TSBP1: variants seen among roughly 807,000 people sequenced by gnomAD.
TSBP1 encodes testis-expressed basic protein 1.
A neutral mutation model predicts 68.8 loss-of-function variants in TSBP1; 56 were observed. That is an observed-to-expected ratio of 0.81 (90% CI 0.66 to 1.02). TSBP1 has a LOEUF of 1.02. Ranked by LOEUF, TSBP1 falls within the 50% of genes least tolerant of loss-of-function variation. The probability of loss-of-function intolerance (pLI) is 0.00; values close to 1 mark genes in which losing one functional copy is unlikely to be tolerated. For synonymous variants in TSBP1, 171 were observed against 208.7 expected (o/e 0.82, Z 1.56); for missense variants, 502 against 641.2 (o/e 0.78, Z 2.34).
At position 32,365,194 on chromosome 6, in the gene TSBP1, G is replaced by C. The variant is rs776159937; in HGVS notation, c.217+973C>G. On this transcript the variant is annotated intron_variant, in intron 6 of 22. Coordinates refer to ENST00000612031, the Ensembl canonical transcript of TSBP1. The surrounding 1 kb of genome is among the most constrained non-coding windows in gnomAD (Gnocchi z 4.3). ...GGCATGAACTACCACACCCAGGGTAGATGGGATTTCTAAGATTGTGCTTTC... is the reference window on the plus strand; with the variant it reads ...GGCATGAACTACCACACCCAGGGTACATGGGATTTCTAAGATTGTGCTTTC... 2.5e-6 allele frequency: 1 copy of C among 398,584 alleles called. No homozygotes were observed. The highest frequency in any genetic ancestry group is 5.0e-6 in the Non-Finnish European group (1 of 200,482). 24.7% of individuals were successfully genotyped at this position (398,584 alleles called of 1,614,324 possible). A position where few individuals can be genotyped will look rare whatever the true frequency, so the allele number is the denominator to read the frequency against.
rs1768284306 is a variant in TSBP1, at chr6:32,326,894, C to T, written c.515-3280G>A. On this transcript the variant is annotated intron_variant, in intron 16 of 22. Coordinates refer to ENST00000612031, the Ensembl canonical transcript of TSBP1. ...TGCAGGAAAGGGAGATGATTGATCT[C>T]TTCCCTTTTTGCAGTGAGTGGTTAC... Among the ~76,000 whole-genome samples, 3 of 152,330 alleles carry T rather than the reference C, an allele frequency of 2.0e-5. No homozygotes were observed. In the South Asian group the frequency reaches 6.2e-4, roughly 32 times the overall value.
Position 32,304,024 on chromosome 6 carries a change from T to C in TSBP1, c.581-1395A>G, listed in dbSNP as rs1765548022. Among the ~76,000 whole-genome samples, 1 of 152,162 alleles carries C rather than the reference T, an allele frequency of 6.6e-6. No individual in the cohort carries two copies. Among genetic ancestry groups the C allele is most frequent in the Non-Finnish European group, 1.5e-5 (1 of 68,018 alleles). On this transcript the variant is annotated intron_variant, in intron 19 of 22. Coordinates refer to ENST00000612031, the Ensembl canonical transcript of TSBP1. This position sits in a 1 kb window ranked among gnomAD's most constrained non-coding sequence, Gnocchi z 4.8. ...CCCAGCATATTTTCCCAGCATTATTTCCTCTGGCTTCTCTTTTGCAACTTA... is the reference window on the plus strand; with the variant it reads ...CCCAGCATATTTTCCCAGCATTATTCCCTCTGGCTTCTCTTTTGCAACTTA...
chr6:32,310,761 A>ATATATATTTTTT, intron 19 of TSBP1, among the ~76,000 whole-genome samples: 1 of 144,806 alleles, frequency 6.9e-6, no homozygotes, highest in Non-Finnish European at 1.5e-5. Flanking sequence ...ATATATATAT[A>ATATATATTTTTT]TTTTTAATCT....
intron 2 of TSBP1, 150 bp downstream of exon 2, chr6:32,369,747 G>T (rs1419750803): frequency 2.0e-5 from 15 of 756,112 alleles, no homozygotes; most frequent in Non-Finnish European, 3.4e-5. Context: ...ATAGGTCAGA[G>T]ATTCTTTGAC....
intron 9 of TSBP1, among the ~76,000 whole-genome samples, chr6:32,344,859 T>G (rs571707977): frequency 4.9e-4 from 52 of 106,582 alleles, no homozygotes; most frequent in East Asian, 1.5e-3. Context: ...AGGTTTTTTT[T>G]TTGGGGCTGG....
intron 16 of TSBP1, chr6:32,324,553 A>T: frequency 6.9e-7 from 1 of 1,454,554 alleles, no homozygotes; most frequent in Non-Finnish European, 9.4e-7. Context: ...AGGCCAAGAT[A>T]TATCTCAAGC....
At chr6:32,327,538 G>A (rs372211004) in intron 16 of TSBP1, among the ~76,000 whole-genome samples, 1 of 152,302 alleles carries the variant, frequency 6.6e-6, no homozygotes, top group African/African-American at 2.4e-5. Flanking sequence ...AAGTGGTAAA[G>A]TGAGGCTTTG....
intron 6 of TSBP1, 68 bp from the exon 7 acceptor site, chr6:32,355,737 A>G (rs753682751): frequency 6.5e-7 from 1 of 1,538,528 alleles, no homozygotes; most frequent in Non-Finnish European, 8.7e-7. Flanking sequence ...TGGTATCACT[A>G]CAGAGGATTA....
intron 2 of TSBP1, among the ~76,000 whole-genome samples, 157 bp from the exon 3 acceptor site, chr6:32,368,971 A>G (rs1774081389): frequency 6.6e-6 from 1 of 152,170 alleles, no homozygotes; most frequent in African/African-American, 2.4e-5. Context: ...CACATCTCCC[A>G]TCAGCCCTGT....
intron 19 of TSBP1, among the ~76,000 whole-genome samples, chr6:32,308,348 C>A (rs1378897366): frequency 6.6e-6 from 1 of 151,614 alleles, no homozygotes; most frequent in Non-Finnish European, 1.5e-5. Flanking sequence ...CCTGTAATCC[C>A]AGCACTTTGG....
chr6:32,324,822 A>C, intron 16 of TSBP1: 1 of 1,164,442 alleles, frequency 8.6e-7, no homozygotes, highest in Non-Finnish European at 1.2e-6. Flanking sequence ...ATTTCCAGAA[A>C]ACTAATTATC....
At chr6:32,303,126 G>A (rs115433394) in intron 19 of TSBP1, among the ~76,000 whole-genome samples, 5,999 of 152,224 alleles carry the variant, frequency 0.039, 338 homozygotes, top group African/African-American at 0.12. Context: ...GTCTGGAAAT[G>A]TTCCTACCCT....
Position 32,361,038 on chromosome 6 carries a change from C to T in TSBP1, c.217+5129G>A, listed in dbSNP as rs1772965463. ...ATGCTATCCCTCCCTGCTTCCCCCA[C>T]CCCGCAACAGGCCCCAGTGTGTGAT... On this transcript the variant is annotated intron_variant, in intron 6 of 22. Coordinates refer to ENST00000612031, the Ensembl canonical transcript of TSBP1. This position sits in a 1 kb window ranked among gnomAD's most constrained non-coding sequence, Gnocchi z 4.3. Among the ~76,000 whole-genome samples the T allele has an allele frequency of 6.6e-6, 1 of 152,066 alleles. No individual in the cohort carries two copies. Among genetic ancestry groups the T allele is most frequent in the South Asian group, 2.1e-4 (1 of 4,830 alleles).
intron 8 of TSBP1, among the ~76,000 whole-genome samples, chr6:32,351,998 G>A (rs973139490): frequency 6.6e-6 from 1 of 151,996 alleles, no homozygotes; most frequent in African/African-American, 2.4e-5. Context: ...GGAAAATAAT[G>A]TTCAATTCTA....
At chr6:32,344,096 T>C (rs936202740) in intron 9 of TSBP1, among the ~76,000 whole-genome samples, 3 of 151,658 alleles carry the variant, frequency 2.0e-5, no homozygotes, top group South Asian at 4.1e-4. Flanking sequence ...ATTTAATTTA[T>C]TTATTTATTT....
intron 18 of TSBP1, among the ~76,000 whole-genome samples, chr6:32,318,509 A>G (rs1767220012): frequency 6.6e-6 from 1 of 152,240 alleles, no homozygotes; most frequent in Non-Finnish European, 1.5e-5. Context: ...TTACAAGTAA[A>G]TAAAGGAAAG....
intron 8 of TSBP1, chr6:32,350,059 C>T: frequency 1.5e-6 from 1 of 662,866 alleles, no homozygotes; most frequent in South Asian, 1.5e-5. Flanking sequence ...ATTTTTCTGT[C>T]CCTATAAGTC....
At position 32,366,282 on chromosome 6, in the gene TSBP1, T is replaced by C. The variant is rs1773702671; in HGVS notation, c.187A>G (p.Thr63Ala). 5.0e-6 allele frequency: 8 copies of C among 1,600,736 alleles called. No homozygotes were observed. The South Asian group carries it at 6.8e-5, about 14-fold the overall frequency. ...CAATACAATAATTTACCACTTTGTGTTGAATATGCATGTCGGGATCCTAAA... is the reference window on the plus strand; with the variant it reads ...CAATACAATAATTTACCACTTTGTGCTGAATATGCATGTCGGGATCCTAAA... The change falls in exon 5 of 23, where the codon ACA (threonine) becomes GCA (alanine). Residue 63 changes from threonine (T) to alanine (A), a missense_variant. Physicochemically the swap from Thr to Ala is moderately conservative, Grantham distance 58. Transcript: ENST00000612031.
chr6:32,324,945 A>G (rs1768053164), intron 16 of TSBP1, among the ~76,000 whole-genome samples: 1 of 152,170 alleles, frequency 6.6e-6, no homozygotes, highest in Admixed American at 6.5e-5. Context: ...TAAGTGCACC[A>G]CAGAGAAACA....
Sources: allele counts gnomAD v4.1 joint callset (sites outside exome capture counted in the v4.1 genomes callset), GRCh38; gene constraint gnomAD v4.1.1; non-coding constraint Gnocchi (gnomAD v3.1); transcripts MANE v1.5; gene names NCBI Gene and HGNC (gene_info 2026-07-23, HGNC 2026-07-21).